The following GRIK2 variants were observed in gnomAD, a reference collection of about 807,000 sequenced individuals.
GRIK2 encodes glutamate receptor ionotropic, kainate 2.
Under a neutral mutation model 100.3 loss-of-function variants are expected in GRIK2, and 32 were observed. The ratio of observed to expected loss-of-function variants is 0.32; its 90% CI spans 0.24 to 0.43. The LOEUF is 0.43. Among genes scored for constraint, GRIK2 ranks in the 20% least tolerant of loss-of-function variants. GRIK2 has a pLI of 1.00. For synonymous variants in GRIK2, 417 were observed against 389.4 expected (o/e 1.07, Z -0.83); for missense variants, 843 against 1,114.9 (o/e 0.76, Z 3.47).
At chr6:101,565,942 T>C (rs1303928063) in intron 2 of GRIK2, among the ~76,000 whole-genome samples, 1 of 141,236 alleles carries the variant, frequency 7.1e-6, no homozygotes, top group African/African-American at 2.8e-5. Flanking sequence ...TGTGTATATA[T>C]ATATATATAT....
intron 7 of GRIK2, among the ~76,000 whole-genome samples, chr6:101,779,448 G>A (rs116474822): frequency 0.016 from 2,452 of 152,232 alleles, 69 homozygotes; most frequent in African/African-American, 0.057. Context: ...GATCACTATA[G>A]TTTTACTAAA....
intron 4 of GRIK2, among the ~76,000 whole-genome samples, chr6:101,626,881 C>T (rs996551020): frequency 6.6e-6 from 1 of 151,590 alleles, no homozygotes; most frequent in Non-Finnish European, 1.5e-5. Context: ...GAAAGATCAG[C>T]TAGTTTGGTA....
chr6:101,812,113 GAGAT>G (rs1258595166), intron 9 of GRIK2, among the ~76,000 whole-genome samples: 27 of 151,542 alleles, frequency 1.8e-4, no homozygotes, highest in South Asian at 4.1e-4. Context: ...ATATGATATT[GAGAT>G]AGATCTTAAA....
intron 7 of GRIK2, among the ~76,000 whole-genome samples, chr6:101,777,919 A>T (rs1478727388): frequency 6.6e-6 from 1 of 152,216 alleles, no homozygotes; most frequent in Non-Finnish European, 1.5e-5. Flanking sequence ...CTGCTGACAG[A>T]TTTGGTTCAC....
chr6:101,634,446 A>G (rs1347472906), intron 4 of GRIK2, among the ~76,000 whole-genome samples: 2 of 152,140 alleles, frequency 1.3e-5, no homozygotes, highest in African/African-American at 2.4e-5. Context: ...TTCACTTGCT[A>G]TCATTCAGTG....
chr6:102,043,105 T>G (rs1408497334), intron 15 of GRIK2, among the ~76,000 whole-genome samples: 2 of 151,826 alleles, frequency 1.3e-5, no homozygotes, highest in Non-Finnish European at 2.9e-5. Flanking sequence ...AATATTTTCC[T>G]GCATATTCTA....
chr6:101,828,371 A>G (rs1782467895), intron 10 of GRIK2, among the ~76,000 whole-genome samples: 1 of 151,992 alleles, frequency 6.6e-6, no homozygotes, highest in African/African-American at 2.4e-5. Flanking sequence ...TAAAGGAACT[A>G]GAAAAACAAG....
At position 102,054,223 on chromosome 6, in the gene GRIK2, A is replaced by G. The variant is rs1310858988; in HGVS notation, c.2312-1107A>G. On this transcript the variant is annotated intron_variant, in intron 15 of 16. Transcript: ENST00000369134. The stretch of plus-strand genomic sequence containing the variant: ...TTTTTAAACAGGTTACTTACATTCT[A>G]TGGTTCTCGTCTTTCTACTTTTACA... Among the ~76,000 whole-genome samples the G allele has an allele frequency of 2.6e-5, 4 of 152,296 alleles. No individual in the cohort carries two copies. In the South Asian group the frequency reaches 6.2e-4, roughly 24 times the overall value.
At chr6:101,619,484 TATTG>T (rs1266946735) in intron 2 of GRIK2, among the ~76,000 whole-genome samples, 2 of 151,968 alleles carry the variant, frequency 1.3e-5, no homozygotes, top group East Asian at 3.9e-4. Context: ...TATCATCAAA[TATTG>T]ATTCAATATT....
chr6:101,399,516 T>C lies in GRIK2; in HGVS notation c.115+124T>C. 4 of 654,692 alleles carry C rather than the reference T, an allele frequency of 6.1e-6. No homozygotes were observed. The South Asian group carries it at 7.3e-5, about 12-fold the overall frequency. 40.6% of individuals were successfully genotyped at this position (654,692 alleles called of 1,614,324 possible). On this transcript the variant is annotated intron_variant, in intron 2 of 16. Coordinates refer to ENST00000369134, the MANE Select transcript of GRIK2 (RefSeq NM_021956.5). ...CTGATCTGCTCACTGCTCTGTCGTCTCCTGGGGCTTTTAAAGAACTCCTTG... is the reference window on the plus strand; with the variant it reads ...CTGATCTGCTCACTGCTCTGTCGTCCCCTGGGGCTTTTAAAGAACTCCTTG...
At chr6:101,433,380 C>T (rs1371817354) in intron 2 of GRIK2, among the ~76,000 whole-genome samples, 1 of 152,130 alleles carries the variant, frequency 6.6e-6, no homozygotes, top group Non-Finnish European at 1.5e-5. Flanking sequence ...GCGTGACGTG[C>T]AGCAAATTGC....
rs183449856 is a variant in GRIK2, at chr6:101,494,169, A to G, written c.115+94777A>G. On this transcript the variant is annotated intron_variant, in intron 2 of 16. Coordinates refer to ENST00000369134, the MANE Select transcript of GRIK2 (RefSeq NM_021956.5). ...TAAAGGGAGTAACACTCATTTATAT[A>G]TGAATCTTGAATTTATAAAAATTCA... 3.4e-3 allele frequency among the ~76,000 whole-genome samples: 507 copies of G among 151,236 alleles called. 1 individual carries two copies. Among genetic ancestry groups the G allele is most frequent in the African/African-American group, 0.011 (476 of 41,396 alleles).
intron 2 of GRIK2, among the ~76,000 whole-genome samples, chr6:101,509,442 GA>G (rs1774192988): frequency 6.6e-6 from 1 of 152,158 alleles, no homozygotes; most frequent in Non-Finnish European, 1.5e-5. Flanking sequence ...CCTGAAGGTC[GA>G]AAGTGTTTCA....
At chr6:102,013,869 G>A (rs917519108) in intron 14 of GRIK2, among the ~76,000 whole-genome samples, 2 of 128,072 alleles carry the variant, frequency 1.6e-5, no homozygotes, top group African/African-American at 7.1e-5. Context: ...TGTTCATCAA[G>A]GATATTGTCC....
At chr6:101,471,436 C>G (rs958033203) in intron 2 of GRIK2, among the ~76,000 whole-genome samples, 19 of 152,126 alleles carry the variant, frequency 1.2e-4, no homozygotes, top group Non-Finnish European at 2.5e-4. Context: ...TTTCATGCAG[C>G]TCTGTTAAAG....
rs9373620 is a variant in GRIK2, at chr6:101,718,946, C to T, written c.951+32593C>T. Among the ~76,000 whole-genome samples, 3 of 151,968 alleles carry T rather than the reference C, an allele frequency of 2.0e-5. No homozygotes were observed. The East Asian group carries it at 5.8e-4, about 30-fold the overall frequency. ...AGAAAATACAAATGGAGAAAAGTTT[C>T]TGCAATTATTAAGCAGAATATAAAC... On this transcript the variant is annotated intron_variant, in intron 7 of 16. Transcript: ENST00000369134.
chr6:101,522,580 A>G (rs556933266), intron 2 of GRIK2, among the ~76,000 whole-genome samples: 21 of 152,278 alleles, frequency 1.4e-4, no homozygotes, highest in African/African-American at 5.1e-4. Context: ...CTTTTAAAGT[A>G]CTTATTTCTG....
intron 14 of GRIK2, among the ~76,000 whole-genome samples, chr6:102,031,448 T>TA (rs927082181): frequency 1.0e-4 from 8 of 78,944 alleles, no homozygotes; most frequent in African/African-American, 5.4e-4. Context: ...TACTTATTTA[T>TA]TTTTATTTTA....
At chr6:101,524,727 T>C (rs1292526448) in intron 2 of GRIK2, among the ~76,000 whole-genome samples, 1 of 151,860 alleles carries the variant, frequency 6.6e-6, no homozygotes, top group African/African-American at 2.4e-5. Context: ...CGTTTTTTTT[T>C]TTTTTTTCTT....
Sources: allele counts gnomAD v4.1 joint callset (sites outside exome capture counted in the v4.1 genomes callset), GRCh38; gene constraint gnomAD v4.1.1; transcripts MANE v1.5; gene names NCBI Gene and HGNC (gene_info 2026-07-23, HGNC 2026-07-21).